JMJD1C: variants seen among roughly 807,000 people sequenced by gnomAD.
The protein encoded by JMJD1C is jumonji domain-containing protein 1C.
JMJD1C carries 31 observed loss-of-function variants against 245.3 expected under a neutral mutation model. The observed-to-expected ratio is 0.13, with a 90% CI of 0.09 to 0.17. The LOEUF (loss-of-function observed/expected upper bound fraction) is 0.17. JMJD1C is among the 10% of genes least tolerant of loss of function. JMJD1C has a pLI of 1.00. For missense variants in JMJD1C, 2,691 were observed against 3,000.2 expected (o/e 0.90, Z 2.41); for synonymous variants, 1,057 against 1,017.4 (o/e 1.04, Z -0.74).
intron 1 of JMJD1C, among the ~76,000 whole-genome samples, chr10:63,410,194 C>G (rs929426910): frequency 6.6e-6 from 1 of 152,090 alleles, no homozygotes; most frequent in South Asian, 2.1e-4. Flanking sequence ...AATGACCCCA[C>G]AATACATACA....
intron 2 of JMJD1C, among the ~76,000 whole-genome samples, chr10:63,378,343 G>C (rs995039612): frequency 2.6e-5 from 4 of 152,118 alleles, no homozygotes; most frequent in African/African-American, 9.7e-5. Flanking sequence ...TGTAATCCCA[G>C]CACTTTGGAG....
chr10:63,462,196 A>G (rs755759761), intron 1 of JMJD1C, among the ~76,000 whole-genome samples: 2 of 152,198 alleles, frequency 1.3e-5, no homozygotes, highest in Admixed American at 6.5e-5. Context: ...GATAATTCCA[A>G]TACAGATAAC....
At chr10:63,500,728 G>A (rs182154252) in intron 1 of JMJD1C, among the ~76,000 whole-genome samples, 3 of 146,766 alleles carry the variant, frequency 2.0e-5, no homozygotes, top group Non-Finnish European at 4.5e-5. Context: ...TGTCTCGATG[G>A]ATGGATGGAT....
chr10:63,248,612 G>GA (rs1852608887), intron 3 of JMJD1C, among the ~76,000 whole-genome samples: 1 of 152,012 alleles, frequency 6.6e-6, no homozygotes, highest in African/African-American at 2.4e-5. Flanking sequence ...GGGAAAAGGG[G>GA]AACCTGTACG....
At chr10:63,481,216 C>T (rs1332331276) in intron 1 of JMJD1C, among the ~76,000 whole-genome samples, 1 of 152,072 alleles carries the variant, frequency 6.6e-6, no homozygotes, top group Non-Finnish European at 1.5e-5. Context: ...TGATAAATAG[C>T]TGTAGAATGA....
chr10:63,315,412 C>A (rs1233966821), intron 2 of JMJD1C, among the ~76,000 whole-genome samples: 1 of 152,144 alleles, frequency 6.6e-6, no homozygotes. Flanking sequence ...GGTAACTTTT[C>A]ATCTATTGTA....
intron 3 of JMJD1C, among the ~76,000 whole-genome samples, chr10:63,262,048 T>C (rs141650817): frequency 6.6e-5 from 10 of 152,294 alleles, no homozygotes; most frequent in African/African-American, 2.4e-4. Context: ...AACTGCCTCA[T>C]GAAATTTTAA....
chr10:63,422,404 T>C (rs1950177233), intron 1 of JMJD1C, among the ~76,000 whole-genome samples: 1 of 152,146 alleles, frequency 6.6e-6, no homozygotes, highest in African/African-American at 2.4e-5. Flanking sequence ...CTGTCTCATG[T>C]CTCATTTAAA....
At chr10:63,255,905 A>G (rs531153303) in intron 3 of JMJD1C, among the ~76,000 whole-genome samples, 1 of 152,322 alleles carries the variant, frequency 6.6e-6, no homozygotes, top group Admixed American at 6.5e-5. Context: ...AAATAATATG[A>G]CATGCTTCAG....
intron 1 of JMJD1C, among the ~76,000 whole-genome samples, chr10:63,421,224 C>T (rs941366928): frequency 2.0e-5 from 3 of 152,074 alleles, no homozygotes; most frequent in Admixed American, 6.5e-5. Flanking sequence ...ATCCCAACTA[C>T]GCGGGAGGCT....
In JMJD1C at chr10:63,167,367, A is replaced by G. The variant is rs1402827422; in HGVS notation, c.*678T>C. ...ATTAAATGTATATATGTATATATTT[A>G]CATAGCATATTAAGTTTAATATTTA... is the stretch of plus-strand genomic sequence containing the variant. On this transcript the variant is annotated 3_prime_UTR_variant, in exon 26 of 26. Coordinates refer to ENST00000399262, the MANE Select transcript of JMJD1C (RefSeq NM_032776.3). 1 of 152,666 alleles carries G rather than the reference A, an allele frequency of 6.6e-6. No homozygotes were observed. The allele number at this position is 152,666 out of a possible 1,614,324, so 9.5% of individuals were successfully genotyped here. A position where few individuals can be genotyped will look rare whatever the true frequency, so the allele number is the denominator to read the frequency against.
chr10:63,228,120 T>C lies in JMJD1C; in HGVS notation c.448-8137A>G, dbSNP rs78474489. Among the ~76,000 whole-genome samples, 222 of 152,228 alleles carry C rather than the reference T, an allele frequency of 1.5e-3. 5 individuals are homozygous for C. The East Asian group carries it at 0.036, about 25-fold the overall frequency. On this transcript the variant is annotated intron_variant, in intron 3 of 25. Coordinates refer to ENST00000399262, the MANE Select transcript of JMJD1C (RefSeq NM_032776.3). ...AATAAGGGCTAGCAAACATTTTTTG[T>C]AAATGGCCAGAAAGTTAATATATTA... is the stretch of plus-strand genomic sequence containing the variant.
chr10:63,422,161 C>T (rs1950164146), intron 1 of JMJD1C, among the ~76,000 whole-genome samples: 1 of 152,134 alleles, frequency 6.6e-6, no homozygotes, highest in South Asian at 2.1e-4. Flanking sequence ...CTTGTAAACC[C>T]AGCACTTTGG....
intron 1 of JMJD1C, among the ~76,000 whole-genome samples, chr10:63,515,886 C>T (rs534172142): frequency 3.3e-5 from 5 of 152,064 alleles, no homozygotes; most frequent in Non-Finnish European, 5.9e-5. Context: ...AAATTTTTTC[C>T]TAGTTTGTCA....
chr10:63,334,820 G>A (rs1942531703), intron 2 of JMJD1C, among the ~76,000 whole-genome samples: 1 of 151,876 alleles, frequency 6.6e-6, no homozygotes, highest in Non-Finnish European at 1.5e-5. Flanking sequence ...ACGACTCTCA[G>A]GCCTCAGCCT....
chr10:63,343,904 G>A (rs570669240), intron 2 of JMJD1C, among the ~76,000 whole-genome samples: 1 of 152,124 alleles, frequency 6.6e-6, no homozygotes, highest in Admixed American at 6.6e-5. Context: ...CAGGTGTGGT[G>A]GTGTGTGCCT....
chr10:63,408,973 T>C (rs1283481533), intron 1 of JMJD1C, among the ~76,000 whole-genome samples: 1 of 152,208 alleles, frequency 6.6e-6, no homozygotes, highest in Non-Finnish European at 1.5e-5. Flanking sequence ...AGGGAGTATC[T>C]GATTAATCAG....
At chr10:63,328,248 C>A (rs112159036) in intron 2 of JMJD1C, among the ~76,000 whole-genome samples, 5,560 of 151,270 alleles carry the variant, frequency 0.037, 328 homozygotes, top group East Asian at 0.29. Flanking sequence ...GTACTTCAGC[C>A]TGAGCAACTA....
intron 1 of JMJD1C, among the ~76,000 whole-genome samples, chr10:63,438,011 T>C (rs1951154500): frequency 6.6e-6 from 1 of 152,232 alleles, no homozygotes; most frequent in Admixed American, 6.5e-5. Context: ...TCATTCAGTC[T>C]GATAGCTTTA....
Sources: allele counts gnomAD v4.1 joint callset (sites outside exome capture counted in the v4.1 genomes callset), GRCh38; gene constraint gnomAD v4.1.1; transcripts MANE v1.5; gene names NCBI Gene and HGNC (gene_info 2026-07-23, HGNC 2026-07-21).